RBFOX1: variants seen among roughly 807,000 people sequenced by gnomAD.
RBFOX1 encodes RNA binding fox-1 homolog 1.
RBFOX1 carries 8 observed loss-of-function variants against 57.7 expected under a neutral mutation model. The ratio of observed to expected loss-of-function variants is 0.14; its 90% CI spans 0.08 to 0.25. RBFOX1 has a LOEUF of 0.25. RBFOX1 is among the 10% of genes least tolerant of loss of function. RBFOX1 has a pLI of 1.00. For synonymous variants in RBFOX1, 326 were observed against 222.4 expected, an observed-to-expected ratio of 1.47 and a Z score of -4.15; for missense variants, 611 against 548.5, an observed-to-expected ratio of 1.11 and a Z score of -1.14.
intron 1 of RBFOX1, among the ~76,000 whole-genome samples, chr16:5,367,284 A>G (rs530954252): frequency 6.6e-6 from 1 of 152,302 alleles, no homozygotes; most frequent in South Asian, 2.1e-4. Flanking sequence ...AGTATTAGAA[A>G]TCAGTGATGC....
intron 3 of RBFOX1, among the ~76,000 whole-genome samples, chr16:5,677,827 C>T (rs1023153305): frequency 3.3e-5 from 5 of 152,024 alleles, no homozygotes; most frequent in African/African-American, 4.8e-5. Flanking sequence ...TCTGGAGGAA[C>T]GTGTAAAAGT....
At chr16:6,532,131 C>T (rs1168365498) in intron 2 of RBFOX1, among the ~76,000 whole-genome samples, 1 of 152,142 alleles carries the variant, frequency 6.6e-6, no homozygotes, top group East Asian at 1.9e-4. Flanking sequence ...AATACCTCCC[C>T]TTCTTGAGCT....
At chr16:7,471,993 A>G (rs894763355) in intron 4 of RBFOX1, among the ~76,000 whole-genome samples, 2 of 152,218 alleles carry the variant, frequency 1.3e-5, no homozygotes, top group Admixed American at 1.3e-4. Flanking sequence ...CACAGAGTAC[A>G]AATGAGGTAG....
rs1296690365 is a variant in RBFOX1 at position 5,454,910 on chromosome 16, CT to C, written c.220-12303del. On this transcript the variant is annotated intron_variant, in intron 1 of 2. Coordinates refer to the RBFOX1 transcript ENST00000585867. ...TCTTTCTTTCTTTCTTTCTTTCTTT[CT>C]TTCCTTTGTTTCTTTCTTCCTTCCT... 5.4e-3 allele frequency among the ~76,000 whole-genome samples: 340 copies of C among 63,470 alleles called. 8 individuals carry two copies. The highest frequency in any genetic ancestry group is 7.7e-3 in the Non-Finnish European group (225 of 29,176). The allele number at this position is 63,470 out of a possible 152,430, so 41.6% of individuals were successfully genotyped here.
intron 4 of RBFOX1, among the ~76,000 whole-genome samples, chr16:7,408,185 C>G (rs185308057): frequency 6.6e-6 from 1 of 152,112 alleles, no homozygotes; most frequent in Non-Finnish European, 1.5e-5. Context: ...TCCTATTGAA[C>G]GTCTTACTGC....
At chr16:7,159,029 C>T (rs929957116) in intron 4 of RBFOX1, among the ~76,000 whole-genome samples, 2 of 151,908 alleles carry the variant, frequency 1.3e-5, no homozygotes, top group African/African-American at 4.8e-5. Context: ...CCCCTACCCC[C>T]GTCCCTACCT....
intron 3 of RBFOX1, among the ~76,000 whole-genome samples, chr16:5,753,531 A>G (rs562302182): frequency 1.1e-4 from 16 of 152,316 alleles, no homozygotes; most frequent in East Asian, 3.9e-4. Flanking sequence ...AGAGCTGTCT[A>G]TAGGACCTCT....
intron 2 of RBFOX1, among the ~76,000 whole-genome samples, chr16:6,591,045 T>C (rs998756300): frequency 3.3e-5 from 5 of 152,176 alleles, no homozygotes; most frequent in Admixed American, 2.6e-4. Flanking sequence ...ACAAGTATAA[T>C]TGTGTGCTGG....
intron 3 of RBFOX1, among the ~76,000 whole-genome samples, chr16:5,751,878 G>T (rs1295594453): frequency 6.6e-6 from 1 of 152,082 alleles, no homozygotes; most frequent in Non-Finnish European, 1.5e-5. Context: ...GTTCCCCAAA[G>T]ACCTAAAAAC....
At chr16:6,359,043 C>A (rs547879431) in intron 2 of RBFOX1, among the ~76,000 whole-genome samples, 16 of 152,216 alleles carry the variant, frequency 1.1e-4, no homozygotes, top group Non-Finnish European at 1.9e-4. Flanking sequence ...GAATTAATCC[C>A]TAATAACAAA....
At chr16:6,199,500 A>T (rs544223746) in intron 1 of RBFOX1, among the ~76,000 whole-genome samples, 144 of 152,326 alleles carry the variant, frequency 9.5e-4, no homozygotes, top group Middle Eastern at 3.4e-3. Flanking sequence ...CACGTCACCA[A>T]AAGGTCTAAT....
chr16:6,986,184 T>TTTATTTATTTATTTA (rs752491485), intron 3 of RBFOX1, among the ~76,000 whole-genome samples: 2 of 144,142 alleles, frequency 1.4e-5, no homozygotes, highest in Admixed American at 6.9e-5. Context: ...CAATTTCTAT[T>TTTATTTATTTATTTA]TTTATTTATT....
At chr16:5,703,400 T>G (rs771509729) in intron 3 of RBFOX1, among the ~76,000 whole-genome samples, 28 of 152,088 alleles carry the variant, frequency 1.8e-4, no homozygotes, top group Non-Finnish European at 1.0e-4. Context: ...TGGAGTTTGG[T>G]TCACTGGAGG....
chr16:7,460,736 A>G (rs2059431423), intron 4 of RBFOX1, among the ~76,000 whole-genome samples: 1 of 152,038 alleles, frequency 6.6e-6, no homozygotes, highest in South Asian at 2.1e-4. Context: ...ACAATGAGAT[A>G]TCTAAATGAA....
chr16:5,962,601 A>G (rs181983647), intron 4 of RBFOX1, among the ~76,000 whole-genome samples: 134 of 152,248 alleles, frequency 8.8e-4, no homozygotes, highest in African/African-American at 3.1e-3. Flanking sequence ...TACCTCATTC[A>G]TAGTCATTCA....
At chr16:6,272,775 G>C (rs750515621) in intron 1 of RBFOX1, among the ~76,000 whole-genome samples, 5 of 152,076 alleles carry the variant, frequency 3.3e-5, no homozygotes, top group Admixed American at 1.3e-4. Context: ...CCCAGAAATA[G>C]ACCTACATAA....
At chr16:6,336,172 T>TTC (rs1555631203) in intron 2 of RBFOX1, among the ~76,000 whole-genome samples, 1 of 28,198 alleles carries the variant, frequency 3.5e-5, no homozygotes, top group Non-Finnish European at 7.0e-5. Context: ...TATATATATA[T>TTC]ATATATATAT....
intron 1 of RBFOX1, among the ~76,000 whole-genome samples, chr16:6,250,186 C>T (rs1257753804): frequency 6.6e-6 from 1 of 152,164 alleles, no homozygotes; most frequent in African/African-American, 2.4e-5. Context: ...TTTCACCAGG[C>T]TATAAGAGCA....
Position 6,019,219 on chromosome 16 carries a change from C to T in RBFOX1, c.-900C>T. 1.0e-6 allele frequency: 1 copy of T among 985,284 alleles called. No homozygotes were observed. Among genetic ancestry groups the T allele is most frequent in the South Asian group, 4.7e-5 (1 of 21,248 alleles). The allele number at this position is 985,284 out of a possible 1,614,324, so 61.0% of individuals were successfully genotyped here. ...TCCCGCCCTCCTACAAGCGCTCTTG[C>T]TGGCCGTCTGGGTGCACACACCGCT... is the stretch of plus-strand genomic sequence containing the variant. On this transcript the variant is annotated 5_prime_UTR_variant, in exon 1 of 16. Transcript: ENST00000550418. The surrounding 1 kb of genome is among the most constrained non-coding windows in gnomAD (Gnocchi z 4.2).
Sources: allele counts gnomAD v4.1 joint callset (sites outside exome capture counted in the v4.1 genomes callset), GRCh38; gene constraint gnomAD v4.1.1; non-coding constraint Gnocchi (gnomAD v3.1); transcripts MANE v1.5; gene names NCBI Gene and HGNC (gene_info 2026-07-23, HGNC 2026-07-21).